The following TCFL5 variants were observed in gnomAD, a reference collection of about 807,000 sequenced individuals.
The protein encoded by TCFL5 is transcription factor like 5, also known as transcription factor-like 5 protein.
A neutral mutation model predicts 44.3 loss-of-function variants in TCFL5; 9 were observed. That is an observed-to-expected ratio of 0.20 (90% CI 0.12 to 0.35). The LOEUF is 0.35. Among genes scored for constraint, TCFL5 ranks in the 10% least tolerant of loss-of-function variants. TCFL5 has a pLI of 1.00. For synonymous variants in TCFL5, 319 were observed against 271.6 expected (o/e 1.17, Z -1.72); for missense variants, 603 against 613.4 (o/e 0.98, Z 0.18).
At chr20:62,859,231 T>C in intron 3 of TCFL5, 133 bp downstream of exon 3, 1 of 803,812 alleles carries the variant, frequency 1.2e-6, no homozygotes, top group Non-Finnish European at 1.9e-6. Context: ...ACCCCTGAGA[T>C]ACACAGACAC....
intron 5 of TCFL5, among the ~76,000 whole-genome samples, chr20:62,848,462 C>T (rs1015768400): frequency 2.0e-5 from 3 of 152,204 alleles, no homozygotes; most frequent in Non-Finnish European, 4.4e-5. Flanking sequence ...ACACGGGGGC[C>T]GGGCACAGTG....
At chr20:62,846,447 G>A (rs2063743585) in intron 5 of TCFL5, among the ~76,000 whole-genome samples, 1 of 152,196 alleles carries the variant, frequency 6.6e-6, no homozygotes, top group Non-Finnish European at 1.5e-5. Flanking sequence ...TGGTACTGAT[G>A]TCATCGCACT....
In TCFL5 at chr20:62,856,629, C is replaced by A. The variant is rs1446630445; in HGVS notation, c.1238+766G>T. Among the ~76,000 whole-genome samples, 4 of 148,740 alleles carry A rather than the reference C, an allele frequency of 2.7e-5. No homozygotes were observed. In the East Asian group the frequency reaches 8.2e-4, roughly 31 times the overall value. On this transcript the variant is annotated intron_variant, in intron 4 of 5. Transcript: ENST00000335351. ...GCTGAGGCAGGAGAACGGCATGAACCCGGGAGGCGGAGCTTCCAGTGAGCA... is the reference window on the plus strand; with the variant it reads ...GCTGAGGCAGGAGAACGGCATGAACACGGGAGGCGGAGCTTCCAGTGAGCA...
intron 4 of TCFL5, 75 bp from the exon 5 acceptor site, chr20:62,854,232 A>G: frequency 6.4e-7 from 1 of 1,561,332 alleles, no homozygotes; most frequent in Non-Finnish European, 8.7e-7. Context: ...CGTCTCCTGT[A>G]GTACTTGAGG....
Position 62,860,157 on chromosome 20 carries a change from T to C in TCFL5, c.799A>G (p.Thr267Ala), listed in dbSNP as rs565358663. The part of the protein sequence containing the change: ...YPLFTTNACS[T>A]SGNSNLSQTQ... Reference sequence around the variant, plus strand: ...TGTGAAAGATTAGAATTTCCACTAGTAGAGCAAGCATTTGTAGTAAACAGT... The same window carrying C: ...TGTGAAAGATTAGAATTTCCACTAGCAGAGCAAGCATTTGTAGTAAACAGT... The change falls in exon 2 of 6, where the codon ACT (threonine) becomes GCT (alanine). Residue 267 changes from threonine (T) to alanine (A), a missense_variant. Physicochemically the swap from Thr to Ala is moderately conservative, Grantham distance 58. Around this residue, in one of 4 missense-constraint regions of TCFL5, gnomAD observed 540 missense variants for 478.7 expected, o/e 1.13. Coordinates refer to ENST00000335351, the MANE Select transcript of TCFL5 (RefSeq NM_006602.4). 10 of 1,612,510 alleles carry C rather than the reference T, an allele frequency of 6.2e-6. No homozygotes were observed. The East Asian group carries it at 1.6e-4, about 25-fold the overall frequency.
chr20:62,861,336 G>A lies in TCFL5; in HGVS notation c.335C>T (p.Ser112Phe). The A allele has an allele frequency of 8.8e-7, 1 of 1,136,016 alleles. No homozygotes were observed. The highest frequency in any genetic ancestry group is 1.1e-6 in the Non-Finnish European group (1 of 917,332). 70.4% of individuals were successfully genotyped at this position (1,136,016 alleles called of 1,614,324 possible). A position where few individuals can be genotyped will look rare whatever the true frequency, so the allele number is the denominator to read the frequency against. Residue 112 changes from serine to phenylalanine, a missense_variant, in exon 1 of 6, where the codon TCC (serine) becomes TTC (phenylalanine). Coordinates refer to ENST00000335351, the MANE Select transcript of TCFL5 (RefSeq NM_006602.4). This position sits in a 1 kb window ranked among gnomAD's most constrained non-coding sequence, Gnocchi z 4.0. ...GCAGGGCGCGTCGGCCGCCAGCGCG[G>A]ACGGGCACAGCACGGGGTACACGGG... ...AAPVYPVLCP[S>F]ALAADAPCLG...
intron 5 of TCFL5, among the ~76,000 whole-genome samples, 189 bp downstream of exon 5, chr20:62,853,827 G>C (rs945394143): frequency 1.3e-5 from 2 of 152,158 alleles, no homozygotes; most frequent in African/African-American, 4.8e-5. Context: ...ACACATGTAG[G>C]CTGTGACTAT....
At chr20:62,855,513 T>C (rs1189542768) in intron 4 of TCFL5, among the ~76,000 whole-genome samples, 1 of 152,228 alleles carries the variant, frequency 6.6e-6, no homozygotes, top group African/African-American at 2.4e-5. Flanking sequence ...AAGCCTGTAA[T>C]CCCAGTACTT....
chr20:62,843,970 A>ATTT (rs2063707888), intron 5 of TCFL5, among the ~76,000 whole-genome samples: 1 of 152,152 alleles, frequency 6.6e-6, no homozygotes, highest in African/African-American at 2.4e-5. Flanking sequence ...CTTGTAACAC[A>ATTT]TTTGTTTACT....
intron 5 of TCFL5, chr20:62,845,885 A>C (rs1260439980): frequency 6.4e-7 from 1 of 1,555,326 alleles, no homozygotes; most frequent in African/African-American, 1.4e-5. Context: ...CAGTGCCTTC[A>C]GTCAACAAAG....
intron 5 of TCFL5, among the ~76,000 whole-genome samples, chr20:62,847,118 C>T (rs914389207): frequency 6.0e-5 from 9 of 150,750 alleles, no homozygotes; most frequent in African/African-American, 2.0e-4. Context: ...AGGAGGCAGA[C>T]GCTGTAGTGA....
At chr20:62,860,605 G>A (rs977686927) in intron 1 of TCFL5, among the ~76,000 whole-genome samples, 2 of 152,226 alleles carry the variant, frequency 1.3e-5, no homozygotes, top group African/African-American at 4.8e-5. Flanking sequence ...AGAAAACTGC[G>A]GACGCAGCCC....
intron 5 of TCFL5, among the ~76,000 whole-genome samples, chr20:62,850,187 T>C (rs1419784407): frequency 1.3e-5 from 2 of 152,120 alleles, no homozygotes; most frequent in African/African-American, 4.8e-5. Context: ...GTCTTTGAAA[T>C]TGTGCGTGTG....
chr20:62,852,239 C>A (rs58188218), intron 5 of TCFL5: 1 of 985,480 alleles, frequency 1.0e-6, no homozygotes, highest in East Asian at 1.1e-4. Context: ...CCCTGTGGAT[C>A]TATTTCACTA....
intron 5 of TCFL5, among the ~76,000 whole-genome samples, chr20:62,843,153 G>C (rs1350492469): frequency 6.6e-6 from 1 of 152,232 alleles, no homozygotes; most frequent in African/African-American, 2.4e-5. Context: ...CGGTGAGGAA[G>C]AAAGGAAGGG....
At chr20:62,846,623 T>C (rs2063746142) in intron 5 of TCFL5, among the ~76,000 whole-genome samples, 2 of 151,532 alleles carry the variant, frequency 1.3e-5, no homozygotes, top group South Asian at 4.2e-4. Context: ...ACAAGACGGG[T>C]GCGGTGGTGA....
In TCFL5 at chr20:62,854,154, G is replaced by A; in HGVS notation, c.1242C>T (p.Arg414=). 6.2e-7 allele frequency: 1 copy of A among 1,613,932 alleles called. No individual in the cohort carries two copies. The highest frequency in any genetic ancestry group is 1.1e-5 in the South Asian group (1 of 91,066). The change falls in exon 5 of 6, where the codon CGC becomes CGT. Residue 414 remains arginine (R), a synonymous_variant. Coordinates refer to ENST00000335351, the MANE Select transcript of TCFL5 (RefSeq NM_006602.4). ...RHNRMERDRR[R]RIRICCDELN... ...ACTCATCACAGCAAATGCGGATTCT[G>A]CGCCTATAGTCAAAACCCAAAGTCA...
At chr20:62,845,645 T>C in intron 5 of TCFL5, 1 of 1,604,918 alleles carries the variant, frequency 6.2e-7, no homozygotes, top group Non-Finnish European at 8.5e-7. Context: ...CGTCACCCCT[T>C]CAGCAACCCC....
intron 2 of TCFL5, among the ~76,000 whole-genome samples, chr20:62,859,738 T>G (rs4809428): frequency 0.13 from 19,889 of 151,422 alleles, 1,639 homozygotes; most frequent in Non-Finnish European, 0.19. Flanking sequence ...TTTTTTTTTT[T>G]GAGACAGGCT....
Sources: gnomAD v4.1 joint callset for allele counts (sites outside exome capture counted in the v4.1 genomes callset) on GRCh38, gnomAD v4.1.1 for gene constraint, gnomAD v4.1.1 regional missense constraint, Gnocchi (gnomAD v3.1) non-coding constraint, MANE v1.5 for transcripts, NCBI Gene and HGNC (gene_info 2026-07-23, HGNC 2026-07-21) for gene names.